Variants in AJAP1 observed in about 807,000 individuals in gnomAD.
AJAP1 encodes adherens junctions associated protein 1.
In AJAP1, 5 loss-of-function variants were observed where a neutral mutation model predicts 35.0. The observed-to-expected ratio is 0.14, with a 90% CI of 0.07 to 0.30. AJAP1 has a LOEUF of 0.30. AJAP1 is among the 10% of genes least tolerant of loss of function. The pLI, the probability that AJAP1 is intolerant of heterozygous loss-of-function variation, is 1.00. For missense variants in AJAP1, 586 were observed against 571.0 expected (o/e 1.03, Z -0.27); for synonymous variants, 284 against 249.3 (o/e 1.14, Z -1.31).
chr1:4,757,325 G>A (rs1197712651), intron 2 of AJAP1, among the ~76,000 whole-genome samples: 2 of 152,194 alleles, frequency 1.3e-5, no homozygotes, highest in Non-Finnish European at 2.9e-5. Context: ...ACATGCCCCC[G>A]GGTGGCCAGC....
chr1:4,680,843 G>A (rs1570104710), intron 1 of AJAP1, among the ~76,000 whole-genome samples: 1 of 152,162 alleles, frequency 6.6e-6, no homozygotes, highest in South Asian at 2.1e-4. Context: ...TTCTAGTGGT[G>A]TTTTTTATAT....
chr1:4,748,253 C>T (rs565680949), intron 2 of AJAP1, among the ~76,000 whole-genome samples: 5 of 152,240 alleles, frequency 3.3e-5, no homozygotes, highest in South Asian at 2.1e-4. Context: ...CCCATCTCAG[C>T]GCTTCTGCTG....
chr1:4,770,997 G>A (rs1355748742), intron 3 of AJAP1, among the ~76,000 whole-genome samples: 1 of 152,036 alleles, frequency 6.6e-6, no homozygotes, highest in Non-Finnish European at 1.5e-5. Flanking sequence ...AGGGACTTTG[G>A]ACCCCTGGAC....
At position 4,657,296 on chromosome 1, in the gene AJAP1, C is replaced by T. The variant is rs1001778212; in HGVS notation, c.29+1842C>T. Among the ~76,000 whole-genome samples the T allele has an allele frequency of 3.3e-5, 5 of 152,202 alleles. No individual in the cohort carries two copies. In the South Asian group the frequency reaches 1.0e-3, roughly 32 times the overall value. ...TCTGTTGGTTCTTTTGAAGTTTGAC[C>T]TTTCGTTTTTCCCCCCTCGATGTCA... On this transcript the variant is annotated intron_variant, in intron 1 of 5. Transcript: ENST00000378191.
chr1:4,746,423 G>A (rs1251178068), intron 2 of AJAP1, among the ~76,000 whole-genome samples: 1 of 152,220 alleles, frequency 6.6e-6, no homozygotes. Flanking sequence ...TCTTTTGGGG[G>A]AGGGAGCACC....
intron 1 of AJAP1, among the ~76,000 whole-genome samples, chr1:4,660,061 C>T (rs1207596946): frequency 6.6e-6 from 1 of 152,250 alleles, no homozygotes; most frequent in African/African-American, 2.4e-5. Context: ...TGTTCTGCAG[C>T]GGCAGACACG....
intron 2 of AJAP1, among the ~76,000 whole-genome samples, chr1:4,727,059 A>G (rs242044): frequency 0.56 from 85,629 of 152,160 alleles, 25,246 homozygotes; most frequent in East Asian, 0.99. Context: ...CTGTGGCAGC[A>G]GGTTGCCATT....
chr1:4,767,668 TATCATCACCATC>T (rs935436087), intron 2 of AJAP1, among the ~76,000 whole-genome samples: 7 of 151,172 alleles, frequency 4.6e-5, no homozygotes, highest in African/African-American at 9.8e-5. Context: ...TCATCACTAT[TATCATCACCATC>T]ATCATCACCA....
At chr1:4,694,210 C>T (rs549230160) in intron 1 of AJAP1, among the ~76,000 whole-genome samples, 192 of 152,272 alleles carry the variant, frequency 1.3e-3, no homozygotes, top group Non-Finnish European at 2.4e-3. Flanking sequence ...CCCTCAGCTC[C>T]TTTGCCGGGG....
intron 2 of AJAP1, among the ~76,000 whole-genome samples, chr1:4,744,443 G>C (rs1641141459): frequency 1.3e-5 from 2 of 152,312 alleles, no homozygotes; most frequent in South Asian, 2.1e-4. Context: ...GCTGTGGGGA[G>C]AGGCCTCGGG....
chr1:4,738,187 A>G (rs1407481394), intron 2 of AJAP1, among the ~76,000 whole-genome samples: 2 of 152,206 alleles, frequency 1.3e-5, no homozygotes, highest in Non-Finnish European at 2.9e-5. Context: ...CCCCAGCCAC[A>G]TGGCAGGCCA....
chr1:4,741,446 G>A (rs946645650), intron 2 of AJAP1, among the ~76,000 whole-genome samples: 4 of 152,092 alleles, frequency 2.6e-5, no homozygotes, highest in African/African-American at 7.2e-5. Context: ...CTTTCCCTAC[G>A]GCCCTGTGTG....
At chr1:4,715,490 C>T (rs3766956) in intron 2 of AJAP1, among the ~76,000 whole-genome samples, 27,341 of 152,130 alleles carry the variant, frequency 0.18, 2,972 homozygotes, top group East Asian at 0.29. Flanking sequence ...TCGAGGCCAG[C>T]CTGACCAACA....
intron 2 of AJAP1, among the ~76,000 whole-genome samples, chr1:4,714,477 A>G (rs1249444488): frequency 2.0e-5 from 3 of 152,204 alleles, no homozygotes; most frequent in Admixed American, 1.3e-4. Context: ...ATAGACATGG[A>G]TGAGGAAACA....
At chr1:4,711,818 G>C in intron 1 of AJAP1, 82 bp from the exon 2 acceptor site, 1 of 1,108,482 alleles carries the variant, frequency 9.0e-7, no homozygotes, top group Non-Finnish European at 1.2e-6. Flanking sequence ...TCACAGCGCG[G>C]GGTGGAGAGA....
chr1:4,760,119 G>T (rs1218428983), intron 2 of AJAP1, among the ~76,000 whole-genome samples: 1 of 152,200 alleles, frequency 6.6e-6, no homozygotes, highest in Non-Finnish European at 1.5e-5. Context: ...CAAGCTCAAA[G>T]TTGAGTATCA....
intron 1 of AJAP1, among the ~76,000 whole-genome samples, chr1:4,694,856 G>A (rs1639822754): frequency 6.6e-6 from 1 of 152,220 alleles, no homozygotes; most frequent in African/African-American, 2.4e-5. Context: ...GGCTGTGCAG[G>A]AAGGGAGGTC....
chr1:4,744,625 GCACACACACA>G lies in AJAP1; in HGVS notation c.830-25209_830-25200del, dbSNP rs34180991. Among the ~76,000 whole-genome samples, 87 of 149,820 alleles carry G rather than the reference GCACACACACA, an allele frequency of 5.8e-4. 1 individual carries two copies. The East Asian group carries it at 0.011, about 20-fold the overall frequency. Reference sequence around the variant, plus strand: ...CATGCACACATGCCCACATGCATATGCACACACACACACACACACACACACACATTCATGC... The same window carrying G: ...CATGCACACATGCCCACATGCATATGCACACACACACACACACATTCATGC... On this transcript the variant is annotated intron_variant, in intron 2 of 5. Transcript: ENST00000378191.
intron 5 of AJAP1, among the ~76,000 whole-genome samples, chr1:4,776,261 G>A (rs958662012): frequency 6.6e-5 from 10 of 152,178 alleles, no homozygotes; most frequent in African/African-American, 2.4e-4. Context: ...AAATGACTTG[G>A]CCGAGGTCAG....
Sources: gnomAD v4.1 joint callset for allele counts (sites outside exome capture counted in the v4.1 genomes callset) on GRCh38, gnomAD v4.1.1 for gene constraint, MANE v1.5 for transcripts, NCBI Gene and HGNC (gene_info 2026-07-23, HGNC 2026-07-21) for gene names.